The following PKIA variants were observed in gnomAD, a reference collection of about 807,000 sequenced individuals.
PKIA encodes the protein cAMP-dependent protein kinase inhibitor alpha.
PKIA carries 4 observed loss-of-function variants against 7.6 expected under a neutral mutation model. The observed-to-expected ratio is 0.52, with a 90% confidence interval of 0.26 to 1.20. PKIA has a LOEUF of 1.20. Among genes scored for constraint, PKIA ranks in the 50% most tolerant of loss-of-function variants. The pLI is 0.13. For synonymous variants in PKIA, 21 were observed against 30.7 expected (o/e 0.68, Z 1.04); for missense variants, 73 against 86.2 (o/e 0.85, Z 0.61).
intron 2 of PKIA, among the ~76,000 whole-genome samples, chr8:78,585,113 A>T (rs1012628247): frequency 1.3e-4 from 20 of 151,920 alleles, no homozygotes; most frequent in East Asian, 1.2e-3. Flanking sequence ...CTTATAAAAA[A>T]TTTTTTTATT....
At chr8:78,547,092 AAC>A (rs1231966813) in intron 1 of PKIA, among the ~76,000 whole-genome samples, 2 of 152,066 alleles carry the variant, frequency 1.3e-5, no homozygotes, top group Non-Finnish European at 2.9e-5. Flanking sequence ...AAAAAACAAA[AAC>A]AGTTTTGTTT....
intron 2 of PKIA, among the ~76,000 whole-genome samples, chr8:78,588,648 G>T (rs1419291093): frequency 6.6e-6 from 1 of 152,128 alleles, no homozygotes; most frequent in East Asian, 1.9e-4. Context: ...ATTATTTGGT[G>T]TACAGATTAT....
intron 2 of PKIA, among the ~76,000 whole-genome samples, chr8:78,582,173 G>GTTTTT (rs112095411): frequency 0.023 from 2,965 of 129,616 alleles, 48 homozygotes; most frequent in Non-Finnish European, 0.036. Context: ...AATATTTCGT[G>GTTTTT]TTTTTTTTTT....
chr8:78,589,218 G>A (rs1324076759), intron 2 of PKIA, among the ~76,000 whole-genome samples: 1 of 152,058 alleles, frequency 6.6e-6, no homozygotes, highest in Non-Finnish European at 1.5e-5. Context: ...AAGTTATTAG[G>A]TAAGATTTGC....
rs547344775 is a variant in PKIA, at chr8:78,604,980, A to G, written c.*3159A>G. 1.7e-4 allele frequency: 26 copies of G among 152,128 alleles called. No homozygotes were observed. The highest frequency in any genetic ancestry group is 5.8e-4 in the African/African-American group (24 of 41,542). The allele number at this position is 152,128 out of a possible 1,614,324, so 9.4% of individuals were successfully genotyped here. On this transcript the variant is annotated 3_prime_UTR_variant, in exon 4 of 4. Coordinates refer to ENST00000396418, the MANE Select transcript of PKIA (RefSeq NM_006823.4). ...ATTTTAGAAGATGAATGATACTGCT[A>G]TTTCTCTTCAGGGAAACAATAATGG... is the stretch of plus-strand genomic sequence containing the variant.
intron 1 of PKIA, among the ~76,000 whole-genome samples, chr8:78,562,744 A>G (rs1445503498): frequency 1.3e-5 from 2 of 152,008 alleles, no homozygotes; most frequent in Non-Finnish European, 2.9e-5. Context: ...CAATTTGTTT[A>G]CTTATGTACT....
intron 1 of PKIA, among the ~76,000 whole-genome samples, chr8:78,517,003 CCTG>C (rs1025840017): frequency 2.0e-5 from 3 of 152,276 alleles, no homozygotes; most frequent in African/African-American, 7.2e-5. Flanking sequence ...TCTCTTATCT[CCTG>C]GAGTTCAGCT....
At chr8:78,569,487 C>T (rs145681840) in intron 1 of PKIA, among the ~76,000 whole-genome samples, 78 of 152,244 alleles carry the variant, frequency 5.1e-4, no homozygotes, top group Non-Finnish European at 8.4e-4. Context: ...TACATTCCCA[C>T]CCTTGTAGCT....
chr8:78,539,743 AAATT>A lies in PKIA; in HGVS notation c.-157+23282_-157+23285del, dbSNP rs770997359. 1.5e-3 allele frequency among the ~76,000 whole-genome samples: 232 copies of A among 152,184 alleles called. 2 individuals are homozygous for A. The highest frequency in any genetic ancestry group is 3.7e-3 in the African/African-American group (152 of 41,548). Reference sequence around the variant, plus strand: ...CTGCAGTGCTTAAATTTAAAGGGTAAAATTAATTAAAGAAATCCTCACATTAGAA... The same window carrying A: ...CTGCAGTGCTTAAATTTAAAGGGTAAAATTAAAGAAATCCTCACATTAGAA... On this transcript the variant is annotated intron_variant, in intron 1 of 3. Coordinates refer to ENST00000396418, the MANE Select transcript of PKIA (RefSeq NM_006823.4).
intron 3 of PKIA, among the ~76,000 whole-genome samples, chr8:78,598,992 T>G (rs1319562835): frequency 6.6e-6 from 1 of 152,018 alleles, no homozygotes; most frequent in Non-Finnish European, 1.5e-5. Flanking sequence ...CAGGGCTAAT[T>G]TTATTAAGAA....
chr8:78,574,325 T>C (rs941744547), intron 2 of PKIA, among the ~76,000 whole-genome samples: 1 of 152,006 alleles, frequency 6.6e-6, no homozygotes, highest in Non-Finnish European at 1.5e-5. Flanking sequence ...TGCTTTTTGC[T>C]ATAGTCACCT....
chr8:78,526,143 T>C (rs1196397607), intron 1 of PKIA, among the ~76,000 whole-genome samples: 1 of 152,102 alleles, frequency 6.6e-6, no homozygotes, highest in Non-Finnish European at 1.5e-5. Flanking sequence ...TTATTTTTTC[T>C]ACCCCTCCCC....
intron 2 of PKIA, among the ~76,000 whole-genome samples, chr8:78,584,624 A>G (rs991317829): frequency 6.6e-6 from 1 of 152,148 alleles, no homozygotes; most frequent in East Asian, 1.9e-4. Flanking sequence ...CTAATGCATA[A>G]TGCTGGAATA....
chr8:78,559,932 A>C (rs539786115), intron 1 of PKIA, among the ~76,000 whole-genome samples: 1 of 152,338 alleles, frequency 6.6e-6, no homozygotes, highest in South Asian at 2.1e-4. Context: ...TACATTCTCC[A>C]TAGGAATAAA....
chr8:78,551,499 T>A (rs928642410), intron 1 of PKIA, among the ~76,000 whole-genome samples: 1 of 152,076 alleles, frequency 6.6e-6, no homozygotes, highest in African/African-American at 2.4e-5. Flanking sequence ...TGCTGTAAAC[T>A]TAAACTGTAA....
chr8:78,567,647 T>C (rs1807449070), intron 1 of PKIA, among the ~76,000 whole-genome samples: 1 of 152,178 alleles, frequency 6.6e-6, no homozygotes, highest in African/African-American at 2.4e-5. Flanking sequence ...AGGAAATCAC[T>C]ACGCTCAGCC....
chr8:78,583,096 G>A (rs918864538), intron 2 of PKIA, among the ~76,000 whole-genome samples: 1 of 152,138 alleles, frequency 6.6e-6, no homozygotes, highest in East Asian at 1.9e-4. Context: ...AAGACCCAGG[G>A]ACACTGAATG....
intron 1 of PKIA, among the ~76,000 whole-genome samples, chr8:78,519,565 T>C (rs990625045): frequency 5.3e-5 from 8 of 152,154 alleles, no homozygotes; most frequent in African/African-American, 1.9e-4. Context: ...TGAGAATGGG[T>C]AGAAAAAAGT....
chr8:78,518,293 G>C (rs530017408), intron 1 of PKIA, among the ~76,000 whole-genome samples: 1 of 152,258 alleles, frequency 6.6e-6, no homozygotes, highest in Admixed American at 6.5e-5. Flanking sequence ...TTGTTATTAT[G>C]TGTTAAACAG....
Sources: allele counts gnomAD v4.1 joint callset (sites outside exome capture counted in the v4.1 genomes callset), GRCh38; gene constraint gnomAD v4.1.1; transcripts MANE v1.5; gene names NCBI Gene and HGNC (gene_info 2026-07-23, HGNC 2026-07-21).